The following LCOR variants were observed in gnomAD, a reference collection of about 807,000 sequenced individuals.
The protein encoded by LCOR is ligand-dependent corepressor.
A neutral mutation model predicts 64.4 loss-of-function variants in LCOR; 14 were observed. The ratio of observed to expected loss-of-function variants is 0.22; its 90% CI spans 0.14 to 0.34. The LOEUF is 0.34. Among genes scored for constraint, LCOR ranks in the 10% least tolerant of loss-of-function variants. The pLI is 1.00. For missense variants in LCOR, 1,686 were observed against 1,765.3 expected (o/e 0.96, Z 0.80); for synonymous variants, 643 against 642.5 (o/e 1.00, Z -0.01).
At chr10:96,882,620 A>G (rs1409234665) in intron 2 of LCOR, among the ~76,000 whole-genome samples, 1 of 152,228 alleles carries the variant, frequency 6.6e-6, no homozygotes, top group Non-Finnish European at 1.5e-5. Context: ...CATAATTTAT[A>G]TTAGGTTTCA....
intron 2 of LCOR, among the ~76,000 whole-genome samples, chr10:96,860,117 T>TTGATAAATA (rs1282255452): frequency 1.3e-5 from 2 of 152,142 alleles, no homozygotes; most frequent in African/African-American, 4.8e-5. Context: ...TAGGCAAAAA[T>TTGATAAATA]TGATAAATAT....
intron 2 of LCOR, among the ~76,000 whole-genome samples, chr10:96,905,330 T>TG (rs1222267401): frequency 6.6e-6 from 1 of 152,204 alleles, no homozygotes; most frequent in African/African-American, 2.4e-5. Context: ...ATATTAGATT[T>TG]GCTCTTCAGG....
At chr10:96,866,093 T>C (rs1314266624) in intron 2 of LCOR, among the ~76,000 whole-genome samples, 3 of 152,192 alleles carry the variant, frequency 2.0e-5, no homozygotes, top group Non-Finnish European at 2.9e-5. Flanking sequence ...TATGTGGTGC[T>C]CTATTTATTA....
intron 2 of LCOR, among the ~76,000 whole-genome samples, chr10:96,834,957 G>T (rs1198497936): frequency 6.6e-6 from 1 of 152,174 alleles, no homozygotes; most frequent in Non-Finnish European, 1.5e-5. Flanking sequence ...CTGGAGTGCA[G>T]TGGCGCCATC....
chr10:96,910,980 A>G (rs968372238), intron 4 of LCOR, among the ~76,000 whole-genome samples: 1 of 152,212 alleles, frequency 6.6e-6, no homozygotes, highest in Admixed American at 6.5e-5. Flanking sequence ...GATTAGTAAA[A>G]ATTTTTGAAC....
In LCOR at chr10:96,983,168, G is replaced by C; in HGVS notation, c.2708G>C (p.Gly903Ala). ...SEKDAEQEGEGGGIITRQTLK... is the reference protein window; with the variant it reads ...SEKDAEQEGEAGGIITRQTLK... Reference sequence around the variant, plus strand: ...AAAGATGCTGAGCAGGAGGGCGAAGGCGGGGGGATCATCACCAGGCAGACT... The same window carrying C: ...AAAGATGCTGAGCAGGAGGGCGAAGCCGGGGGGATCATCACCAGGCAGACT... The change falls in exon 8 of 8, where the codon GGC (glycine) becomes GCC (alanine). Residue 903 changes from glycine (G) to alanine (A), a missense_variant. Transcript: ENST00000421806. This position sits in a 1 kb window ranked among gnomAD's most constrained non-coding sequence, Gnocchi z 4.5. 1 of 1,614,148 alleles carries C rather than the reference G, an allele frequency of 6.2e-7. No homozygotes were observed. The highest frequency in any genetic ancestry group is 1.3e-5 in the African/African-American group (1 of 75,042).
In LCOR at chr10:96,947,924, A is replaced by G. The variant is rs191406506; in HGVS notation, c.-50-1084A>G. ...GATTGATTTGATTGACCTATTTAGT[A>G]TTCAGCTAAATCGAATACACTTTAA... On this transcript the variant is annotated intron_variant, in intron 5 of 7. Coordinates refer to ENST00000421806, the MANE Select transcript of LCOR (RefSeq NM_001346516.2). Among the ~76,000 whole-genome samples the G allele has an allele frequency of 8.9e-3, 1,354 of 152,270 alleles. 8 individuals carry two copies. The highest frequency in any genetic ancestry group is 0.014 in the Non-Finnish European group (972 of 68,010).
At chr10:96,867,683 G>A (rs1845997252) in intron 2 of LCOR, among the ~76,000 whole-genome samples, 1 of 152,056 alleles carries the variant, frequency 6.6e-6, no homozygotes, top group Admixed American at 6.6e-5. Flanking sequence ...GATGACTTGA[G>A]CCCAGGAGTT....
At chr10:96,957,600 A>G in intron 7 of LCOR, 1 of 985,330 alleles carries the variant, frequency 1.0e-6, no homozygotes, top group Non-Finnish European at 1.2e-6. Flanking sequence ...TTAAAATTGG[A>G]GGGTTGGTTA....
intron 2 of LCOR, among the ~76,000 whole-genome samples, chr10:96,858,469 A>G (rs1223432802): frequency 6.6e-6 from 1 of 152,236 alleles, no homozygotes; most frequent in African/African-American, 2.4e-5. Flanking sequence ...ACTTACTGAC[A>G]TACTATGTGT....
At chr10:96,850,837 A>G (rs2104785) in intron 2 of LCOR, among the ~76,000 whole-genome samples, 21,613 of 152,224 alleles carry the variant, frequency 0.14, 2,123 homozygotes, top group African/African-American at 0.27. Flanking sequence ...GTCATCACTG[A>G]TGACAATCTG....
intron 7 of LCOR, chr10:96,960,284 T>G (rs1034721450): frequency 5.9e-5 from 9 of 152,216 alleles, no homozygotes; most frequent in African/African-American, 2.2e-4. Flanking sequence ...TGACCCATAA[T>G]AGTGAAGCAT....
chr10:96,836,566 AAATGT>A (rs751161508), intron 2 of LCOR, among the ~76,000 whole-genome samples: 5 of 152,218 alleles, frequency 3.3e-5, no homozygotes, highest in Admixed American at 6.5e-5. Context: ...ACCTTAGAGA[AAATGT>A]AATGTAATCG....
At chr10:96,914,197 C>CTATTT (rs539907502) in intron 4 of LCOR, among the ~76,000 whole-genome samples, 72 of 152,102 alleles carry the variant, frequency 4.7e-4, no homozygotes, top group African/African-American at 1.7e-3. Context: ...AGTTTTATTG[C>CTATTT]TATTTTATTT....
intron 2 of LCOR, among the ~76,000 whole-genome samples, chr10:96,899,074 C>T (rs758859847): frequency 3.3e-5 from 5 of 151,986 alleles, no homozygotes; most frequent in African/African-American, 9.7e-5. Context: ...GGAAGGTGTT[C>T]GTGATGCCAT....
chr10:96,937,110 C>G (rs567125006), intron 4 of LCOR, among the ~76,000 whole-genome samples: 7 of 152,136 alleles, frequency 4.6e-5, no homozygotes, highest in Non-Finnish European at 1.0e-4. Context: ...GACCCTAAAT[C>G]CAATGACTGG....
intron 7 of LCOR, chr10:96,955,015 C>A: frequency 6.2e-7 from 1 of 1,614,066 alleles, no homozygotes; most frequent in South Asian, 1.1e-5. Context: ...GGGGTACCTC[C>A]AAGAAGCTTA....
chr10:96,922,959 T>C (rs1353778152), intron 4 of LCOR, among the ~76,000 whole-genome samples: 2 of 152,246 alleles, frequency 1.3e-5, no homozygotes, highest in Admixed American at 6.5e-5. Context: ...GATAGTCTGC[T>C]TAACAGTCAG....
intron 2 of LCOR, among the ~76,000 whole-genome samples, chr10:96,855,644 C>T (rs1845790662): frequency 6.6e-6 from 1 of 151,860 alleles, no homozygotes; most frequent in South Asian, 2.1e-4. Flanking sequence ...CCATGTTGGC[C>T]AGGCTGGTCT....
Sources: allele counts gnomAD v4.1 joint callset (sites outside exome capture counted in the v4.1 genomes callset), GRCh38; gene constraint gnomAD v4.1.1; non-coding constraint Gnocchi (gnomAD v3.1); transcripts MANE v1.5; gene names NCBI Gene and HGNC (gene_info 2026-07-23, HGNC 2026-07-21).